Variants in SMYD3 observed in about 807,000 individuals in gnomAD.
SMYD3 encodes histone-lysine N-methyltransferase SMYD3.
SMYD3 carries 36 observed loss-of-function variants against 57.7 expected under a neutral mutation model. The observed-to-expected ratio is 0.62, with a 90% CI of 0.48 to 0.82. SMYD3 has a LOEUF of 0.82. Among genes scored for constraint, SMYD3 ranks in the 40% least tolerant of loss-of-function variants. The probability of loss-of-function intolerance (pLI) is 0.00; values close to 1 mark genes in which losing one functional copy is unlikely to be tolerated. For synonymous variants in SMYD3, 211 were observed against 195.0 expected (o/e 1.08, Z -0.68); for missense variants, 515 against 538.8 (o/e 0.96, Z 0.44).
intron 5 of SMYD3, among the ~76,000 whole-genome samples, chr1:245,999,573 A>G (rs2058998683): frequency 6.6e-6 from 1 of 151,916 alleles, no homozygotes; most frequent in Non-Finnish European, 1.5e-5. Flanking sequence ...TTGCCAGTAT[A>G]AAAGACCTAA....
At chr1:245,879,414 C>G (rs575889359) in intron 8 of SMYD3, among the ~76,000 whole-genome samples, 5 of 152,278 alleles carry the variant, frequency 3.3e-5, no homozygotes, top group Admixed American at 2.0e-4. Context: ...GGCAGCAGAA[C>G]ACTGCGATGG....
chr1:246,228,237 T>A (rs2148441155), intron 5 of SMYD3, among the ~76,000 whole-genome samples: 1 of 152,268 alleles, frequency 6.6e-6, no homozygotes, highest in South Asian at 2.1e-4. Flanking sequence ...CCCAAAGTAC[T>A]GGGATTGCAG....
At chr1:246,402,989 C>T (rs1291368400) in intron 1 of SMYD3, among the ~76,000 whole-genome samples, 1 of 152,196 alleles carries the variant, frequency 6.6e-6, no homozygotes, top group East Asian at 1.9e-4. Context: ...ATGAAGCTCA[C>T]TCATTTGCTA....
intron 5 of SMYD3, among the ~76,000 whole-genome samples, chr1:246,046,495 G>A (rs1345240495): frequency 6.6e-6 from 1 of 151,970 alleles, no homozygotes; most frequent in African/African-American, 2.4e-5. Context: ...GGAGTGGGGA[G>A]GGATAGCATT....
chr1:246,066,683 A>C (rs1274786915), intron 5 of SMYD3, among the ~76,000 whole-genome samples: 1 of 152,196 alleles, frequency 6.6e-6, no homozygotes, highest in Non-Finnish European at 1.5e-5. Flanking sequence ...TAATTGCTTA[A>C]GTTTTCATTC....
intron 5 of SMYD3, among the ~76,000 whole-genome samples, chr1:246,000,279 G>C (rs945022200): frequency 6.6e-6 from 1 of 152,138 alleles, no homozygotes; most frequent in African/African-American, 2.4e-5. Flanking sequence ...CACATGGCAG[G>C]GCACCGATAA....
intron 5 of SMYD3, among the ~76,000 whole-genome samples, chr1:246,150,557 G>T (rs924487691): frequency 1.3e-5 from 2 of 152,158 alleles, no homozygotes; most frequent in Non-Finnish European, 2.9e-5. Context: ...TGCTAATTCT[G>T]TACATACTGT....
intron 8 of SMYD3, among the ~76,000 whole-genome samples, chr1:245,871,837 A>G (rs1405826077): frequency 6.6e-6 from 1 of 152,114 alleles, no homozygotes; most frequent in African/African-American, 2.4e-5. Flanking sequence ...TCCCCACCCT[A>G]CAGGGCGGGG....
chr1:246,442,577 T>A (rs1441233687), intron 1 of SMYD3, among the ~76,000 whole-genome samples: 2 of 147,748 alleles, frequency 1.4e-5, no homozygotes, highest in African/African-American at 5.0e-5. Context: ...AAAAAAAGAC[T>A]ACTGAAAAGA....
chr1:246,478,354 C>T (rs2068055066), intron 1 of SMYD3, among the ~76,000 whole-genome samples: 1 of 152,150 alleles, frequency 6.6e-6, no homozygotes, highest in Non-Finnish European at 1.5e-5. Flanking sequence ...CTCATATATG[C>T]ACACCTGTCC....
chr1:246,407,859 A>G (rs1027832802), intron 1 of SMYD3, among the ~76,000 whole-genome samples: 1 of 150,564 alleles, frequency 6.6e-6, no homozygotes, highest in Non-Finnish European at 1.5e-5. Context: ...AAATAAATAA[A>G]TAAATAAATT....
At chr1:246,330,405 A>T (rs2065439176) in intron 4 of SMYD3, 75 bp downstream of exon 4, 14 of 1,206,686 alleles carry the variant, frequency 1.2e-5, no homozygotes, top group Non-Finnish European at 1.6e-5. Context: ...AAACATAGTT[A>T]AAAATAAATC....
rs1401693734 is a variant in SMYD3 at position 245,843,538 on chromosome 1, ATATGTGTGTGTGTG to A, written c.1076+14944_1076+14957del. Among the ~76,000 whole-genome samples, 32 of 74,804 alleles carry A rather than the reference ATATGTGTGTGTGTG, an allele frequency of 4.3e-4. No homozygotes were observed. The East Asian group carries it at 7.8e-3, about 18-fold the overall frequency. 49.1% of individuals were successfully genotyped at this position (74,804 alleles called of 152,430 possible). On this transcript the variant is annotated intron_variant, in intron 10 of 11. Transcript: ENST00000490107. ...TTCATATACATGAATGTGTATATAT[ATATGTGTGTGTGTG>A]TGTGTGTGTGTGTGTGTGTGTGTGT...
intron 5 of SMYD3, among the ~76,000 whole-genome samples, chr1:245,935,023 T>A (rs762998686): frequency 6.6e-6 from 1 of 152,194 alleles, no homozygotes; most frequent in African/African-American, 2.4e-5. Flanking sequence ...CAGAAGCAAG[T>A]AGGAGATATG....
At chr1:246,065,227 A>T (rs879067964) in intron 5 of SMYD3, among the ~76,000 whole-genome samples, 2 of 152,228 alleles carry the variant, frequency 1.3e-5, no homozygotes, top group African/African-American at 4.8e-5. Context: ...CTTCAGCTCA[A>T]CTTCATGCAA....
At chr1:246,444,424 C>A (rs1156719882) in intron 1 of SMYD3, among the ~76,000 whole-genome samples, 1 of 151,998 alleles carries the variant, frequency 6.6e-6, no homozygotes, top group African/African-American at 2.4e-5. Context: ...GCGCCCAGCC[C>A]CAGAACCTAA....
intron 8 of SMYD3, among the ~76,000 whole-genome samples, chr1:245,885,479 T>C (rs1162385172): frequency 6.6e-6 from 1 of 152,184 alleles, no homozygotes; most frequent in African/African-American, 2.4e-5. Flanking sequence ...AAAGATGTGA[T>C]TTGGGGACTG....
chr1:246,382,311 A>G (rs945738398), intron 1 of SMYD3, among the ~76,000 whole-genome samples: 1 of 151,500 alleles, frequency 6.6e-6, no homozygotes, highest in Non-Finnish European at 1.5e-5. Context: ...AGCCGCTACA[A>G]CTCTAGGTTC....
rs77437632 is a variant in SMYD3, at chr1:245,915,791, A to T, written c.703-151T>A. 1,799 of 526,204 alleles carry T rather than the reference A, an allele frequency of 3.4e-3. 5 individuals are homozygous for T. The highest frequency in any genetic ancestry group is 4.9e-3 in the Non-Finnish European group (1,467 of 298,776). The allele number at this position is 526,204 out of a possible 1,614,324, so 32.6% of individuals were successfully genotyped here. On this transcript the variant is annotated intron_variant, in intron 7 of 11. Coordinates refer to ENST00000490107, the MANE Select transcript of SMYD3 (RefSeq NM_001167740.2). ...AGAAGGTACTGCTTATAGTTTCTCT[A>T]CCCAAATGATCACACGTAAATTTTT... is the stretch of plus-strand genomic sequence containing the variant.
Sources: allele counts gnomAD v4.1 joint callset (sites outside exome capture counted in the v4.1 genomes callset), GRCh38; gene constraint gnomAD v4.1.1; transcripts MANE v1.5; gene names NCBI Gene and HGNC (gene_info 2026-07-23, HGNC 2026-07-21).